The following PTAR1 variants were observed in gnomAD, a reference collection of about 807,000 sequenced individuals.
The protein encoded by PTAR1 is protein prenyltransferase alpha subunit repeat containing 1.
PTAR1 carries 17 observed loss-of-function variants against 45.5 expected under a neutral mutation model. The ratio of observed to expected loss-of-function variants is 0.37; its 90% confidence interval spans 0.26 to 0.56. The LOEUF (loss-of-function observed/expected upper bound fraction) is 0.56. PTAR1 is among the 20% of genes least tolerant of loss of function. The pLI is 0.77. For synonymous variants in PTAR1, 169 were observed against 171.3 expected (o/e 0.99, Z 0.11); for missense variants, 391 against 476.3 (o/e 0.82, Z 1.67).
chr9:69,727,263 G>A (rs764644586), intron 5 of PTAR1, among the ~76,000 whole-genome samples: 2 of 151,908 alleles, frequency 1.3e-5, no homozygotes, highest in African/African-American at 2.4e-5. Context: ...TAGACCTCCA[G>A]AACTTACTCA....
intron 5 of PTAR1, among the ~76,000 whole-genome samples, chr9:69,727,026 T>TACACACACACACAC (rs71356128): frequency 6.8e-6 from 1 of 147,104 alleles, no homozygotes; most frequent in African/African-American, 2.5e-5. Context: ...ATTGTGTATA[T>TACACACACACACAC]ACACACACAC....
At chr9:69,757,184 G>A (rs755269058) in intron 1 of PTAR1, 3 of 152,114 alleles carry the variant, frequency 2.0e-5, no homozygotes, top group African/African-American at 7.2e-5. Context: ...TAATTTTAAC[G>A]TGACTGTTTA....
At chr9:69,755,521 C>T (rs1453390580) in intron 1 of PTAR1, among the ~76,000 whole-genome samples, 1 of 152,110 alleles carries the variant, frequency 6.6e-6, no homozygotes, top group African/African-American at 2.4e-5. Context: ...ATGGATGGTA[C>T]CCAAATACTC....
intron 1 of PTAR1, among the ~76,000 whole-genome samples, chr9:69,753,925 G>C (rs1350526875): frequency 6.6e-6 from 1 of 152,166 alleles, no homozygotes; most frequent in Non-Finnish European, 1.5e-5. Flanking sequence ...ATGTGAAAAT[G>C]TGGCAAACTA....
chr9:69,758,043 A>C (rs1421673305), intron 1 of PTAR1: 2 of 152,230 alleles, frequency 1.3e-5, no homozygotes, highest in Admixed American at 6.5e-5. Flanking sequence ...GAATGACCCA[A>C]ATCCTTATTA....
intron 4 of PTAR1, among the ~76,000 whole-genome samples, chr9:69,732,738 T>C (rs1825598593): frequency 6.6e-6 from 1 of 152,176 alleles, no homozygotes; most frequent in South Asian, 2.1e-4. Context: ...TAAGGAGTCA[T>C]GATTCACATC....
intron 1 of PTAR1, chr9:69,757,180 T>C (rs1468503217): frequency 6.6e-6 from 1 of 152,220 alleles, no homozygotes; most frequent in Non-Finnish European, 1.5e-5. Context: ...AGATTAATTT[T>C]AACGTGACTG....
Position 69,710,468 on chromosome 9 carries a change from C to T in PTAR1, c.*7874G>A, listed in dbSNP as rs1824483419. On this transcript the variant is annotated 3_prime_UTR_variant, in exon 8 of 8. Coordinates refer to ENST00000340434, the MANE Select transcript of PTAR1 (RefSeq NM_001099666.2). ...GAACAATGTGGACATAGATAATCTA[C>T]AGTCATTACATTAGCCTTAGAATTT... 2 of 152,052 alleles carry T rather than the reference C, an allele frequency of 1.3e-5. No homozygotes were observed. The highest frequency in any genetic ancestry group is 4.1e-4 in the South Asian group (2 of 4,828). 9.4% of individuals were successfully genotyped at this position (152,052 alleles called of 1,614,324 possible).
chr9:69,743,531 A>C (rs1179437065), intron 2 of PTAR1, among the ~76,000 whole-genome samples: 1 of 152,176 alleles, frequency 6.6e-6, no homozygotes, highest in African/African-American at 2.4e-5. Flanking sequence ...ATTCAATTCA[A>C]ATGAGCAACA....
rs1372237043 is a variant in PTAR1 at position 69,717,164 on chromosome 9, T to G, written c.*1178A>C. The G allele has an allele frequency of 6.6e-6, 1 of 152,222 alleles. No individual in the cohort carries two copies. The highest frequency in any genetic ancestry group is 2.4e-5 in the African/African-American group (1 of 41,468). 9.4% of individuals were successfully genotyped at this position (152,222 alleles called of 1,614,324 possible). ...GTTTTGCACATACTATTCCTTCCCT[T>G]GGCATTTGCCAGTAAACTTTAACAG... On this transcript the variant is annotated 3_prime_UTR_variant, in exon 8 of 8. Coordinates refer to ENST00000340434, the MANE Select transcript of PTAR1 (RefSeq NM_001099666.2).
At chr9:69,726,072 G>A (rs1360395954) in intron 5 of PTAR1, among the ~76,000 whole-genome samples, 1 of 152,064 alleles carries the variant, frequency 6.6e-6, no homozygotes, top group African/African-American at 2.4e-5. Context: ...TTTAAAAATA[G>A]TATTTGGGTT....
At chr9:69,756,478 G>A (rs1298869679) in intron 1 of PTAR1, among the ~76,000 whole-genome samples, 6 of 152,094 alleles carry the variant, frequency 3.9e-5, no homozygotes, top group African/African-American at 7.2e-5. Flanking sequence ...CCAGAGACCA[G>A]CATTGTGCCT....
chr9:69,741,308 A>G (rs1253445727), intron 3 of PTAR1, among the ~76,000 whole-genome samples: 6 of 152,132 alleles, frequency 3.9e-5, no homozygotes, highest in Admixed American at 3.9e-4. Flanking sequence ...AACACCGCCT[A>G]CCTAAATCTG....
rs1331930928 is a variant in PTAR1, at chr9:69,716,522, A to G, written c.*1820T>C. On this transcript the variant is annotated 3_prime_UTR_variant, in exon 8 of 8. Coordinates refer to ENST00000340434, the MANE Select transcript of PTAR1 (RefSeq NM_001099666.2). ...ACTCACTTCAACAGTCTGCCACTCA[A>G]CAAAACCATGATGCCAAAGAAAAGG... 1.3e-5 allele frequency: 2 copies of G among 152,174 alleles called. No individual in the cohort carries two copies. The highest frequency in any genetic ancestry group is 4.8e-5 in the African/African-American group (2 of 41,452). The allele number at this position is 152,174 out of a possible 1,614,324, so 9.4% of individuals were successfully genotyped here.
chr9:69,718,778 G>T, intron 6 of PTAR1, 94 bp from the exon 7 acceptor site: 2 of 918,726 alleles, frequency 2.2e-6, no homozygotes, highest in South Asian at 1.9e-5. Context: ...AAAACATACA[G>T]TATTCAATTC....
intron 5 of PTAR1, among the ~76,000 whole-genome samples, chr9:69,724,022 A>T: frequency 6.6e-6 from 1 of 152,338 alleles, no homozygotes; most frequent in Middle Eastern, 3.4e-3. Context: ...GATTACTTTG[A>T]TATAAACTTT....
chr9:69,752,915 T>C lies in PTAR1; in HGVS notation c.87-1965A>G, dbSNP rs183288450. 9.9e-4 allele frequency among the ~76,000 whole-genome samples: 151 copies of C among 152,192 alleles called. 1 individual carries two copies. The highest frequency in any genetic ancestry group is 2.7e-3 in the Admixed American group (42 of 15,276). On this transcript the variant is annotated intron_variant, in intron 1 of 7. Coordinates refer to ENST00000340434, the MANE Select transcript of PTAR1 (RefSeq NM_001099666.2). ...CTTGACTAATATATGACTGAATCTC[T>C]GGTATTTTCTGATGTTTGTGTTTTA...
intron 5 of PTAR1, among the ~76,000 whole-genome samples, chr9:69,724,420 A>T (rs1374625823): frequency 6.6e-6 from 1 of 152,236 alleles, no homozygotes; most frequent in African/African-American, 2.4e-5. Flanking sequence ...CGCAAACATA[A>T]ATCAGTGAAA....
chr9:69,747,535 T>G (rs1438934775), intron 2 of PTAR1, among the ~76,000 whole-genome samples: 1 of 152,128 alleles, frequency 6.6e-6, no homozygotes, highest in African/African-American at 2.4e-5. Context: ...AGGGTTCAAA[T>G]GAACCTCAAA....
Sources: gnomAD v4.1 joint callset for allele counts (sites outside exome capture counted in the v4.1 genomes callset) on GRCh38, gnomAD v4.1.1 for gene constraint, MANE v1.5 for transcripts, NCBI Gene and HGNC (gene_info 2026-07-23, HGNC 2026-07-21) for gene names.